The following HMGCLL1 variants were observed in gnomAD, a reference collection of about 807,000 sequenced individuals.
HMGCLL1 encodes the protein 3-hydroxy-3-methylglutaryl-CoA lyase like 1.
A neutral mutation model predicts 39.1 loss-of-function variants in HMGCLL1; 36 were observed. That is an observed-to-expected ratio of 0.92 (90% CI 0.71 to 1.22). The LOEUF is 1.22. HMGCLL1 is among the 50% of genes most tolerant of loss of function. HMGCLL1 has a pLI of 0.00. For missense variants in HMGCLL1, 451 were observed against 416.5 expected (o/e 1.08, Z -0.72); for synonymous variants, 149 against 144.0 (o/e 1.03, Z -0.25).
chr6:55,477,186 T>TA lies in HMGCLL1; in HGVS notation c.795+18232dup, dbSNP rs1268732847. 1.5e-4 allele frequency among the ~76,000 whole-genome samples: 5 copies of TA among 33,316 alleles called. 1 individual carries two copies. Among genetic ancestry groups the TA allele is most frequent in the African/African-American group, 8.8e-4 (5 of 5,680 alleles). The allele number at this position is 33,316 out of a possible 152,430, so 21.9% of individuals were successfully genotyped here. ...TATAATATAATATATATTATATTTA[T>TA]ATATTATATATTATATAATATATAT... is the stretch of plus-strand genomic sequence containing the variant. On this transcript the variant is annotated intron_variant, in intron 7 of 8. Transcript: ENST00000274901.
intron 7 of HMGCLL1, among the ~76,000 whole-genome samples, chr6:55,477,641 G>A (rs1765528443): frequency 6.9e-6 from 1 of 145,616 alleles, no homozygotes; most frequent in African/African-American, 2.6e-5. Flanking sequence ...AAATATATGA[G>A]TTACAGTTTA....
At chr6:55,492,261 C>G (rs563592354) in intron 7 of HMGCLL1, among the ~76,000 whole-genome samples, 63 of 152,304 alleles carry the variant, frequency 4.1e-4, no homozygotes, top group Non-Finnish European at 8.4e-4. Flanking sequence ...TGGCCCTGTT[C>G]ATAGTGAAGT....
chr6:55,557,473 G>A (rs1050807961), intron 1 of HMGCLL1, among the ~76,000 whole-genome samples: 8 of 151,984 alleles, frequency 5.3e-5, no homozygotes, highest in South Asian at 2.1e-4. Flanking sequence ...ACTTGGCTTC[G>A]CTTTCTAACA....
At chr6:55,567,746 G>A (rs1581959330) in intron 1 of HMGCLL1, among the ~76,000 whole-genome samples, 1 of 152,140 alleles carries the variant, frequency 6.6e-6, no homozygotes, top group African/African-American at 2.4e-5. Flanking sequence ...GAAGCTCTAG[G>A]CGTTCTGTTT....
chr6:55,541,635 T>C (rs1769438509), intron 3 of HMGCLL1, 94 bp downstream of exon 3: 1 of 664,806 alleles, frequency 1.5e-6, no homozygotes, highest in African/African-American at 1.9e-5. Flanking sequence ...TATGGAAAAT[T>C]AGTAATTATA....
intron 1 of HMGCLL1, among the ~76,000 whole-genome samples, chr6:55,553,849 A>G (rs1027702145): frequency 6.6e-6 from 1 of 152,218 alleles, no homozygotes; most frequent in Non-Finnish European, 1.5e-5. Flanking sequence ...AGATTACCTT[A>G]CACAGCTCTT....
the HMGCLL1 span, among the ~76,000 whole-genome samples, chr6:55,659,592 T>A: frequency 6.6e-6 from 1 of 151,932 alleles, no homozygotes; most frequent in Non-Finnish European, 1.5e-5. Flanking sequence ...TCTATCATAC[T>A]TTTCCTTTTA....
At chr6:55,562,758 C>T (rs1050171497) in intron 1 of HMGCLL1, among the ~76,000 whole-genome samples, 3 of 152,052 alleles carry the variant, frequency 2.0e-5, no homozygotes, top group South Asian at 4.1e-4. Flanking sequence ...TGAAACAGTG[C>T]AGGATAGTGG....
At chr6:55,439,346 C>A (rs1035993929) in intron 8 of HMGCLL1, 88 bp downstream of exon 8, 9 of 1,316,718 alleles carry the variant, frequency 6.8e-6, no homozygotes, top group Non-Finnish European at 9.4e-6. Context: ...AAAACTTTGA[C>A]CTCAAAATTG....
chr6:55,636,678 T>C, the HMGCLL1 span, among the ~76,000 whole-genome samples: 1 of 152,176 alleles, frequency 6.6e-6, no homozygotes, highest in African/African-American at 2.4e-5. Context: ...CATCTTGCAT[T>C]CACACCAGGT....
chr6:55,625,333 G>A, the HMGCLL1 span, among the ~76,000 whole-genome samples: 1 of 152,088 alleles, frequency 6.6e-6, no homozygotes, highest in Admixed American at 6.6e-5. Flanking sequence ...TGGTGTATAA[G>A]TGACCGGACT....
the HMGCLL1 span, among the ~76,000 whole-genome samples, chr6:55,637,439 T>G: frequency 5.3e-5 from 8 of 151,882 alleles, no homozygotes; most frequent in East Asian, 1.9e-4. Context: ...CACGAAAAAT[T>G]GGTCTGTTTT....
At chr6:55,652,450 T>C in the HMGCLL1 span, among the ~76,000 whole-genome samples, 1 of 152,216 alleles carries the variant, frequency 6.6e-6, no homozygotes, top group Non-Finnish European at 1.5e-5. Flanking sequence ...TTTAGTTCAT[T>C]ATGCAGTCAT....
the HMGCLL1 span, among the ~76,000 whole-genome samples, chr6:55,586,401 T>TG: frequency 6.6e-6 from 1 of 151,508 alleles, no homozygotes; most frequent in Admixed American, 6.6e-5. Context: ...AAATCAGTTT[T>TG]TTTTTTATTA....
intron 7 of HMGCLL1, among the ~76,000 whole-genome samples, chr6:55,447,586 A>G (rs1763909659): frequency 6.6e-6 from 1 of 152,058 alleles, no homozygotes; most frequent in Non-Finnish European, 1.5e-5. Flanking sequence ...TGAAGGAAGT[A>G]AGGAAAAAAA....
chr6:55,595,418 T>C, the HMGCLL1 span, among the ~76,000 whole-genome samples: 1 of 152,212 alleles, frequency 6.6e-6, no homozygotes, highest in Non-Finnish European at 1.5e-5. Flanking sequence ...AAAGGTGACA[T>C]ATATTTATTA....
intron 3 of HMGCLL1, among the ~76,000 whole-genome samples, chr6:55,532,155 A>T (rs974901820): frequency 2.6e-5 from 4 of 152,038 alleles, no homozygotes; most frequent in Non-Finnish European, 5.9e-5. Flanking sequence ...AACAAAGAAA[A>T]CCCAACTTGT....
chr6:55,614,947 C>T, the HMGCLL1 span, among the ~76,000 whole-genome samples: 13 of 151,702 alleles, frequency 8.6e-5, no homozygotes, highest in Middle Eastern at 3.2e-3. Context: ...TTGAAAGCAG[C>T]GTGAGCAGTA....
intron 7 of HMGCLL1, among the ~76,000 whole-genome samples, chr6:55,477,274 T>C (rs1291372918): frequency 1.7e-4 from 3 of 18,070 alleles, no homozygotes; most frequent in African/African-American, 1.6e-3. Flanking sequence ...ATATAATATA[T>C]ATTATATATT....
Sources: allele counts gnomAD v4.1 joint callset (sites outside exome capture counted in the v4.1 genomes callset), GRCh38; gene constraint gnomAD v4.1.1; transcripts MANE v1.5; gene names NCBI Gene and HGNC (gene_info 2026-07-23, HGNC 2026-07-21).